Variants in CPE observed in about 807,000 individuals in gnomAD.
CPE encodes the protein carboxypeptidase E, also known as carbocypeptidase E.
CPE carries 17 observed loss-of-function variants against 53.5 expected under a neutral mutation model. The observed-to-expected ratio is 0.32, with a 90% confidence interval of 0.22 to 0.48. The LOEUF (loss-of-function observed/expected upper bound fraction) is 0.48. Ranked by LOEUF, CPE falls within the 20% of genes least tolerant of loss-of-function variation. The probability of loss-of-function intolerance (pLI) is 0.99; values close to 1 mark genes in which losing one functional copy is unlikely to be tolerated. For missense variants in CPE, 524 were observed against 614.7 expected (o/e 0.85, Z 1.56); for synonymous variants, 226 against 228.8 (o/e 0.99, Z 0.11).
At chr4:165,454,337 G>T (rs1019668382) in intron 1 of CPE, among the ~76,000 whole-genome samples, 12 of 151,190 alleles carry the variant, frequency 7.9e-5, no homozygotes, top group Admixed American at 6.6e-4. Context: ...GTTCGACACC[G>T]CAAGTCTTTC....
chr4:165,405,349 G>A (rs1470262254), intron 1 of CPE: 2 of 1,424,192 alleles, frequency 1.4e-6, no homozygotes, highest in East Asian at 2.3e-5. Context: ...GTCCCATCAA[G>A]GCCTTTGATT....
At chr4:165,459,674 T>TGGTGGG (rs1553976461) in intron 1 of CPE, among the ~76,000 whole-genome samples, 1 of 56,660 alleles carries the variant, frequency 1.8e-5, no homozygotes, top group African/African-American at 7.1e-5. Flanking sequence ...GAGGGCTGGG[T>TGGTGGG]GGGGGGGGGC....
intron 3 of CPE, among the ~76,000 whole-genome samples, chr4:165,479,788 G>A (rs948799810): frequency 4.6e-5 from 7 of 151,902 alleles, no homozygotes; most frequent in African/African-American, 1.7e-4. Flanking sequence ...TCAGGAGATC[G>A]AGACCATCCT....
At chr4:165,483,483 TC>T (rs1408019488) in intron 4 of CPE, among the ~76,000 whole-genome samples, 1 of 152,226 alleles carries the variant, frequency 6.6e-6, no homozygotes, top group East Asian at 1.9e-4. Flanking sequence ...TATAATAATT[TC>T]TTTTCCTTTG....
chr4:165,441,432 C>T (rs4691194), intron 1 of CPE, among the ~76,000 whole-genome samples: 6,280 of 152,162 alleles, frequency 0.041, 214 homozygotes, highest in East Asian at 0.15. Flanking sequence ...ATTTGAATTT[C>T]CATCACGGCC....
At chr4:165,412,154 G>C (rs1731052183) in intron 1 of CPE, among the ~76,000 whole-genome samples, 1 of 152,122 alleles carries the variant, frequency 6.6e-6, no homozygotes, top group South Asian at 2.1e-4. Flanking sequence ...AAGAGATTTT[G>C]TTTGAAAGGG....
chr4:165,475,235 C>T (rs1022836678), intron 3 of CPE, among the ~76,000 whole-genome samples: 2 of 151,982 alleles, frequency 1.3e-5, no homozygotes, highest in Admixed American at 1.3e-4. Context: ...ACAGTGAGGA[C>T]CTATGCAGAC....
chr4:165,404,732 C>T (rs1034145503), intron 1 of CPE: 1 of 814,254 alleles, frequency 1.2e-6, no homozygotes, highest in Admixed American at 1.7e-5. Flanking sequence ...GAAGCCAGGT[C>T]CATCCTTAAC....
At position 165,390,051 on chromosome 4, in the gene CPE, A is replaced by G. The variant is rs912837559; in HGVS notation, c.307+10523A>G. The stretch of plus-strand genomic sequence containing the variant: ...TAGATCTAGTTATACACACTTTGCC[A>G]AACCATTGACATGCATGCAAGCACA... On this transcript the variant is annotated intron_variant, in intron 1 of 8. Transcript: ENST00000402744. 1.1e-4 allele frequency among the ~76,000 whole-genome samples: 17 copies of G among 152,328 alleles called. No individual in the cohort carries two copies. The East Asian group carries it at 2.9e-3, about 26-fold the overall frequency.
chr4:165,479,369 G>A (rs1732361423), intron 3 of CPE, among the ~76,000 whole-genome samples: 1 of 152,026 alleles, frequency 6.6e-6, no homozygotes, highest in African/African-American at 2.4e-5. Context: ...ATAAATAACA[G>A]CATAGATCAA....
intron 1 of CPE, among the ~76,000 whole-genome samples, chr4:165,408,792 G>T (rs1157945934): frequency 4.6e-5 from 7 of 152,224 alleles, no homozygotes; most frequent in Non-Finnish European, 1.5e-5. Flanking sequence ...AATGCACTGC[G>T]ATGGTTCCCC....
intron 1 of CPE, among the ~76,000 whole-genome samples, chr4:165,391,506 AT>A (rs1244999840): frequency 6.6e-6 from 1 of 152,148 alleles, no homozygotes; most frequent in African/African-American, 2.4e-5. Flanking sequence ...TGCAGTGTAA[AT>A]CATCCTAATT....
At position 165,403,314 on chromosome 4, in the gene CPE, G is replaced by A. The variant is rs565273627; in HGVS notation, c.307+23786G>A. Among the ~76,000 whole-genome samples the A allele has an allele frequency of 3.9e-5, 6 of 152,130 alleles. No homozygotes were observed. The South Asian group carries it at 6.2e-4, about 16-fold the overall frequency. ...CAACTAAATGTGAAAAGAAAACAGT[G>A]TAAGAAATTAAAAAAAAAATCATAT... On this transcript the variant is annotated intron_variant, in intron 1 of 8. Transcript: ENST00000402744.
intron 1 of CPE, among the ~76,000 whole-genome samples, chr4:165,383,253 T>G (rs1730532575): frequency 6.6e-6 from 1 of 152,188 alleles, no homozygotes; most frequent in African/African-American, 2.4e-5. Context: ...GGCATGATCA[T>G]TTTTCCCGTT....
intron 1 of CPE, among the ~76,000 whole-genome samples, chr4:165,435,299 A>G (rs1057454713): frequency 6.6e-6 from 1 of 152,234 alleles, no homozygotes; most frequent in African/African-American, 2.4e-5. Flanking sequence ...GACTTTGCAT[A>G]TAATGGCTTT....
At chr4:165,417,645 T>C (rs532721994) in intron 1 of CPE, among the ~76,000 whole-genome samples, 1 of 151,994 alleles carries the variant, frequency 6.6e-6, no homozygotes, top group Non-Finnish European at 1.5e-5. Flanking sequence ...GAGAAAGTGA[T>C]GTAGAAAAAA....
chr4:165,428,806 C>T (rs1227609819), intron 1 of CPE, among the ~76,000 whole-genome samples: 1 of 152,100 alleles, frequency 6.6e-6, no homozygotes, highest in Non-Finnish European at 1.5e-5. Flanking sequence ...TTGTAATCTC[C>T]CTCTTACAAG....
intron 1 of CPE, among the ~76,000 whole-genome samples, chr4:165,429,174 C>T (rs1216449839): frequency 5.3e-5 from 8 of 152,118 alleles, no homozygotes; most frequent in Non-Finnish European, 7.4e-5. Flanking sequence ...GAAAGTTCTT[C>T]AGCAAGTCTT....
chr4:165,390,260 G>T (rs1421837083), intron 1 of CPE, among the ~76,000 whole-genome samples: 1 of 152,090 alleles, frequency 6.6e-6, no homozygotes, highest in Non-Finnish European at 1.5e-5. Context: ...GGCTGGTCGT[G>T]TTTCTTGTTC....
Sources: gnomAD v4.1 joint callset for allele counts (sites outside exome capture counted in the v4.1 genomes callset) on GRCh38, gnomAD v4.1.1 for gene constraint, MANE v1.5 for transcripts, NCBI Gene and HGNC (gene_info 2026-07-23, HGNC 2026-07-21) for gene names.